Variants in TRIML2 observed in about 807,000 individuals in gnomAD.
The protein encoded by TRIML2 is tripartite motif family like 2.
TRIML2 carries 28 observed loss-of-function variants against 31.2 expected under a neutral mutation model. The observed-to-expected ratio is 0.90, with a 90% confidence interval of 0.66 to 1.23. TRIML2 has a LOEUF of 1.23. Ranked by LOEUF, TRIML2 falls within the 50% of genes most tolerant of loss-of-function variation. The pLI is 0.00. For missense variants in TRIML2, 536 were observed against 528.3 expected, an observed-to-expected ratio of 1.01 and a Z score of -0.14; for synonymous variants, 187 against 197.5, an observed-to-expected ratio of 0.95 and a Z score of 0.45.
intron 4 of TRIML2, among the ~76,000 whole-genome samples, chr4:188,099,925 C>T (rs142220363): frequency 0.023 from 3,495 of 149,870 alleles, 121 homozygotes; most frequent in African/African-American, 0.08. Flanking sequence ...TTTATCCTTC[C>T]AAGTATACTT....
intron 4 of TRIML2, 41 bp from the exon 5 acceptor site, chr4:188,099,216 T>G (rs760876681): frequency 1.2e-5 from 18 of 1,553,472 alleles, no homozygotes; most frequent in Non-Finnish European, 1.5e-5. Flanking sequence ...CAACCTCAAG[T>G]TCAGGAACAA....
In TRIML2 at chr4:188,091,283, T is replaced by G. The variant is rs916556960; in HGVS notation, c.*90A>C. ...AATCAGGCTCCTACTCCTGGAACGC[T>G]TTTTATTGGGTTAGTTTACACAAAT... On this transcript the variant is annotated 3_prime_UTR_variant, in exon 8 of 8. Transcript: ENST00000682553. The G allele has an allele frequency of 2.3e-6, 3 of 1,318,236 alleles. No homozygotes were observed. The highest frequency in any genetic ancestry group is 3.0e-5 in the African/African-American group (2 of 67,544). The allele number at this position is 1,318,236 out of a possible 1,614,324, so 81.7% of individuals were successfully genotyped here.
rs750539642 is a variant in TRIML2 at position 188,092,755 on chromosome 4, G to C, written c.746-814C>G. ...ATCAGATAATTTATCAGCGGAGGAT[G>C]GAACACCTGTGTGGACCCTCCAGAA... On this transcript the variant is annotated intron_variant, in intron 7 of 7. Transcript: ENST00000682553. 48 of 454,496 alleles carry C rather than the reference G, an allele frequency of 1.1e-4. 1 individual carries two copies. The highest frequency in any genetic ancestry group is 7.4e-4 in the South Asian group (48 of 64,474). The allele number at this position is 454,496 out of a possible 1,614,324, so 28.2% of individuals were successfully genotyped here. A position where few individuals can be genotyped will look rare whatever the true frequency, so the allele number is the denominator to read the frequency against.
intron 5 of TRIML2, among the ~76,000 whole-genome samples, chr4:188,097,624 T>C (rs1338056035): frequency 6.6e-6 from 1 of 152,082 alleles, no homozygotes; most frequent in Non-Finnish European, 1.5e-5. Context: ...GACGGGAGCA[T>C]CTATCTGCTT....
Position 188,091,589 on chromosome 4 carries a change from C to T in TRIML2, c.1098G>A (p.Lys366=). 2.5e-6 allele frequency: 4 copies of T among 1,614,176 alleles called. No homozygotes were observed. The highest frequency in any genetic ancestry group is 3.4e-6 in the Non-Finnish European group (4 of 1,180,028). The change falls in exon 8 of 8, where the codon AAG becomes AAA. Residue 366 remains lysine (K), a synonymous_variant. Transcript: ENST00000682553. The part of the protein sequence containing the change: ...PPLKRLFLEK[K]LDTVGVFLDC... ...CAAGGAAAACGCCAACTGTGTCCAA[C>T]TTCTTTTCCAGGAAGAGCCTTTTCA...
intron 7 of TRIML2, among the ~76,000 whole-genome samples, chr4:188,096,666 A>G (rs1733533152): frequency 1.4e-5 from 2 of 142,570 alleles, no homozygotes. Context: ...ATTTTTATTT[A>G]TTTATTTTAA....
rs1355583850 is a variant in TRIML2 at position 188,105,457 on chromosome 4, C to T, written c.-89G>A. On this transcript the variant is annotated 5_prime_UTR_variant, in exon 2 of 8. Coordinates refer to ENST00000682553, the MANE Select transcript of TRIML2 (RefSeq NM_173553.4). ...GTGAATGAGAAAAAATGGTGGCTTC[C>T]TTTGTTTTCTGGAGCAGGCACACAC... 11 of 1,012,206 alleles carry T rather than the reference C, an allele frequency of 1.1e-5. No homozygotes were observed. Among genetic ancestry groups the T allele is most frequent in the Non-Finnish European group, 1.5e-5 (11 of 737,038 alleles). The allele number at this position is 1,012,206 out of a possible 1,614,324, so 62.7% of individuals were successfully genotyped here.
Position 188,091,548 on chromosome 4 carries a change from T to C in TRIML2, c.1139A>G (p.Gln380Arg), listed in dbSNP as rs201585762. 1.9e-6 allele frequency: 3 copies of C among 1,614,194 alleles called. No homozygotes were observed. The highest frequency in any genetic ancestry group is 2.5e-6 in the Non-Finnish European group (3 of 1,180,034). ...CTCGGTCACATTGTAGAATGATATC[T>C]GCCCGTGTTCGCAGTCAAGGAAAAC... is the stretch of plus-strand genomic sequence containing the variant. ...VGVFLDCEHG[Q>R]ISFYNVTEMS... The change falls in exon 8 of 8, where the codon CAG (glutamine) becomes CGG (arginine). Residue 380 changes from glutamine (Q) to arginine (R), a missense_variant. Coordinates refer to ENST00000682553, the MANE Select transcript of TRIML2 (RefSeq NM_173553.4).
At chr4:188,093,456 T>C (rs1733354004) in intron 7 of TRIML2, among the ~76,000 whole-genome samples, 1 of 151,810 alleles carries the variant, frequency 6.6e-6, no homozygotes, top group Admixed American at 6.6e-5. Flanking sequence ...GACGGATCAC[T>C]TGAGGCCAGG....
Position 188,091,757 on chromosome 4 carries a change from C to T in TRIML2, c.930G>A (p.Val310=), listed in dbSNP as rs200785071. 8.3e-5 allele frequency: 134 copies of T among 1,613,982 alleles called. No homozygotes were observed. Among genetic ancestry groups the T allele is most frequent in the Non-Finnish European group, 1.1e-4 (132 of 1,180,018 alleles). The change falls in exon 8 of 8, where the codon GTG becomes GTA. Residue 310 remains valine (V), a synonymous_variant. Transcript: ENST00000682553. ...CCACTTGCCACCTGGTTGCCTTTTC[C>T]ACGTCCACCTCCCAGTAGTGCCTCC... ...TSGRHYWEVD[V]EKATRWQVGI... is the part of the protein sequence containing the mutation.
chr4:188,092,409 C>T (rs527281302), intron 7 of TRIML2, among the ~76,000 whole-genome samples: 4 of 151,604 alleles, frequency 2.6e-5, no homozygotes, highest in African/African-American at 9.7e-5. Flanking sequence ...TGCAGTGAGC[C>T]GAGATCACAC....
chr4:188,095,946 A>G (rs994166925), intron 7 of TRIML2, among the ~76,000 whole-genome samples: 4 of 152,204 alleles, frequency 2.6e-5, no homozygotes, highest in Non-Finnish European at 4.4e-5. Context: ...AAGGCCACAC[A>G]CTGTAGGATT....
chr4:188,095,071 T>A (rs552346076), intron 7 of TRIML2, among the ~76,000 whole-genome samples: 1 of 151,898 alleles, frequency 6.6e-6, no homozygotes, highest in African/African-American at 2.4e-5. Context: ...TACATGTGAG[T>A]CAAAAAATAA....
At position 188,097,150 on chromosome 4, in the gene TRIML2, A is replaced by G. The variant is rs1733555118; in HGVS notation, c.656T>C (p.Leu219Pro). Residue 219 changes from leucine (L) to proline (P), a missense_variant, in exon 7 of 8, where the codon CTG (leucine) becomes CCG (proline). By Grantham distance (98) the Leu-to-Pro change is moderately conservative. Coordinates refer to ENST00000682553, the MANE Select transcript of TRIML2 (RefSeq NM_173553.4). ...AKYSLERSKSLLLEHLEPAHI... is the reference protein window; with the variant it reads ...AKYSLERSKSPLLEHLEPAHI... ...AGCGGGCTCCAGATGCTCAAGCAGCAGTGACTTGCTCCTGAAGAGAAAGGA... is the reference window on the plus strand; with the variant it reads ...AGCGGGCTCCAGATGCTCAAGCAGCGGTGACTTGCTCCTGAAGAGAAAGGA... The G allele has an allele frequency of 6.2e-7, 1 of 1,613,992 alleles. No homozygotes were observed. The highest frequency in any genetic ancestry group is 8.5e-7 in the Non-Finnish European group (1 of 1,179,984).
intron 5 of TRIML2, among the ~76,000 whole-genome samples, chr4:188,097,949 C>G (rs1733592265): frequency 6.6e-6 from 1 of 151,918 alleles, no homozygotes; most frequent in Non-Finnish European, 1.5e-5. Flanking sequence ...TGGTGAAACC[C>G]CGTTTCTACT....
chr4:188,100,693 G>C lies in TRIML2; in HGVS notation c.480+363C>G, dbSNP rs536958907. ...GCTGAGATTGCGCCACTGCACTCCA[G>C]CCTGGAGACAGAGCCAGACTCTGTC... On this transcript the variant is annotated intron_variant, in intron 4 of 7. Coordinates refer to ENST00000682553, the MANE Select transcript of TRIML2 (RefSeq NM_173553.4). Among the ~76,000 whole-genome samples the C allele has an allele frequency of 2.6e-5, 4 of 152,200 alleles. No homozygotes were observed. In the South Asian group the frequency reaches 8.3e-4, roughly 32 times the overall value.
intron 5 of TRIML2, chr4:188,098,574 A>T (rs1733632138): frequency 2.1e-5 from 4 of 187,268 alleles, no homozygotes; most frequent in Admixed American, 1.6e-4. Flanking sequence ...ACATTTATTA[A>T]TTTTTTGCCA....
chr4:188,098,122 G>GGA, intron 5 of TRIML2: 1 of 275,392 alleles, frequency 3.6e-6, no homozygotes, highest in Non-Finnish European at 7.2e-6. Flanking sequence ...TCCGTCTCGG[G>GGA]GAAAAAAAAA....
In TRIML2 at chr4:188,091,617, G is replaced by C; in HGVS notation, c.1070C>G (p.Pro357Arg). ...CTTTTCCAGGAAGAGCCTTTTCAGA[G>C]GGGGGAAGACCCAGAGAGTCCACTC... ...GTEWTLWVFPPLKRLFLEKKL... is the reference protein window; with the variant it reads ...GTEWTLWVFPRLKRLFLEKKL... Residue 357 changes from proline (P) to arginine (R), a missense_variant, in exon 8 of 8, where the codon CCT (proline) becomes CGT (arginine). Pro to Arg is a moderately radical substitution (Grantham distance 103). Transcript: ENST00000682553. 1 of 1,613,688 alleles carries C rather than the reference G, an allele frequency of 6.2e-7. No individual in the cohort carries two copies. Among genetic ancestry groups the C allele is most frequent in the South Asian group, 1.1e-5 (1 of 91,020 alleles).
Sources: allele counts gnomAD v4.1 joint callset (sites outside exome capture counted in the v4.1 genomes callset), GRCh38; gene constraint gnomAD v4.1.1; transcripts MANE v1.5; gene names NCBI Gene and HGNC (gene_info 2026-07-23, HGNC 2026-07-21).